The following TACC2 variants were observed in gnomAD, a reference collection of about 807,000 sequenced individuals.
TACC2 encodes the protein transforming acidic coiled-coil-containing protein 2.
TACC2 carries 137 observed loss-of-function variants against 227.3 expected under a neutral mutation model. That is an observed-to-expected ratio of 0.60 (90% CI 0.52 to 0.69). The LOEUF is 0.69. Ranked by LOEUF, TACC2 falls within the 30% of genes least tolerant of loss-of-function variation. The probability of loss-of-function intolerance (pLI) is 0.00; values close to 1 mark genes in which losing one functional copy is unlikely to be tolerated. For missense variants in TACC2, 3,470 were observed against 3,694.4 expected, an observed-to-expected ratio of 0.94 and a Z score of 1.57; for synonymous variants, 1,523 against 1,487.5, an observed-to-expected ratio of 1.02 and a Z score of -0.55.
Position 122,084,204 on chromosome 10 carries a change from A to G in TACC2, c.1704A>G (p.Gly568=), listed in dbSNP as rs767192455. 2 of 1,614,104 alleles carry G rather than the reference A, an allele frequency of 1.2e-6. No homozygotes were observed. The highest frequency in any genetic ancestry group is 1.7e-6 in the Non-Finnish European group (2 of 1,180,034). The change falls in exon 4 of 23, where the codon GGA becomes GGG. Residue 568 remains glycine (G), a synonymous_variant. Coordinates refer to ENST00000369005, the MANE Select transcript of TACC2 (RefSeq NM_206862.4). ...CAAGCCCAGCCGTGGCTAAAGAAGG[A>G]AGCAGATCACCTGGTGACAGCCCTG... ...DSTSPAVAKE[G]SRSPGDSPGG...
chr10:122,222,771 G>C (rs578065556), intron 11 of TACC2, among the ~76,000 whole-genome samples: 1 of 152,314 alleles, frequency 6.6e-6, no homozygotes, highest in East Asian at 1.9e-4. Flanking sequence ...GCGGTGGTCT[G>C]TTGCTCGTTT....
chr10:122,015,763 A>C (rs746364325), intron 1 of TACC2, among the ~76,000 whole-genome samples: 1 of 132,506 alleles, frequency 7.5e-6, no homozygotes, highest in Non-Finnish European at 1.7e-5. Flanking sequence ...GAGGCAGGAG[A>C]ATCACTTGAA....
At chr10:122,149,076 G>A (rs2091749230) in intron 7 of TACC2, among the ~76,000 whole-genome samples, 1 of 152,244 alleles carries the variant, frequency 6.6e-6, no homozygotes, top group South Asian at 2.1e-4. Flanking sequence ...CAGGCGAGGG[G>A]TCTGATAATA....
intron 7 of TACC2, among the ~76,000 whole-genome samples, chr10:122,168,749 C>T (rs1463484493): frequency 6.6e-6 from 1 of 152,184 alleles, no homozygotes; most frequent in Non-Finnish European, 1.5e-5. Flanking sequence ...GCTCTTCCAT[C>T]GACCCTCCCA....
intron 2 of TACC2, among the ~76,000 whole-genome samples, chr10:122,036,665 TA>T (rs1001186132): frequency 6.6e-6 from 1 of 152,126 alleles, no homozygotes; most frequent in African/African-American, 2.4e-5. Context: ...CACACCCGGC[TA>T]ATTTTTGTAT....
At chr10:122,229,138 G>T in intron 14 of TACC2, among the ~76,000 whole-genome samples, 1 of 152,042 alleles carries the variant, frequency 6.6e-6, no homozygotes, top group East Asian at 1.9e-4. Flanking sequence ...TTGGGGAGGG[G>T]GTCGGGTCTG....
At chr10:122,067,316 T>G (rs1048538970) in intron 3 of TACC2, among the ~76,000 whole-genome samples, 6 of 152,198 alleles carry the variant, frequency 3.9e-5, no homozygotes, top group African/African-American at 1.4e-4. Flanking sequence ...CAAAGATTTC[T>G]AGGTAGGCAG....
At position 122,086,440 on chromosome 10, in the gene TACC2, C is replaced by T. The variant is rs746220751; in HGVS notation, c.3940C>T (p.Pro1314Ser). The part of the protein sequence containing the change: ...IPAVQASSGS[P>S]KARTTEGPVD... The stretch of plus-strand genomic sequence containing the variant: ...TGCAGTGCAAGCCAGCAGTGGTAGT[C>T]CCAAAGCCAGAACCACTGAGGGACC... Residue 1314 changes from proline to serine, a missense_variant, in exon 4 of 23, where the codon CCC becomes TCC. By Grantham distance (74) the Pro-to-Ser change is moderately conservative. This residue lies in a region of TACC2 where 1,924 missense variants were observed against 1,978.3 expected (regional missense o/e 0.97). Coordinates refer to ENST00000369005, the MANE Select transcript of TACC2 (RefSeq NM_206862.4). 6.8e-6 allele frequency: 11 copies of T among 1,613,778 alleles called. No individual in the cohort carries two copies. Among genetic ancestry groups the T allele is most frequent in the Non-Finnish European group, 8.5e-6 (10 of 1,179,976 alleles).
chr10:122,164,100 T>A, intron 7 of TACC2: 1 of 1,330,836 alleles, frequency 7.5e-7, no homozygotes. Context: ...GAGCCCAGGC[T>A]GGCCTGGGGT....
chr10:122,216,380 A>AT (rs60334067), intron 10 of TACC2, among the ~76,000 whole-genome samples: 52,334 of 148,450 alleles, frequency 0.35, 9,570 homozygotes, highest in East Asian at 0.74. Flanking sequence ...CAAAATCCTG[A>AT]TTTTTTTTTT....
At chr10:122,217,437 C>CTTTTTTTTT (rs35233150) in intron 11 of TACC2, among the ~76,000 whole-genome samples, 18 of 93,252 alleles carry the variant, frequency 1.9e-4, no homozygotes, top group South Asian at 4.8e-4. Flanking sequence ...TTTCTTTTTT[C>CTTTTTTTTT]TTTTTTTTTT....
intron 1 of TACC2, among the ~76,000 whole-genome samples, chr10:122,012,418 C>CA (rs752342348): frequency 0.023 from 1,377 of 60,632 alleles, 88 homozygotes; most frequent in African/African-American, 0.088. Flanking sequence ...GACTCCGTCT[C>CA]AAAAAAAAAA....
At position 122,084,994 on chromosome 10, in the gene TACC2, C is replaced by G; in HGVS notation, c.2494C>G (p.Pro832Ala). 1.2e-6 allele frequency: 2 copies of G among 1,614,138 alleles called. No individual in the cohort carries two copies. Among genetic ancestry groups the G allele is most frequent in the Non-Finnish European group, 1.7e-6 (2 of 1,180,000 alleles). The change falls in exon 4 of 23, where the codon CCA becomes GCA. Residue 832 changes from proline (P) to alanine (A), a missense_variant. Pro to Ala is a conservative substitution (Grantham distance 27). This residue lies in a region of TACC2 where 1,924 missense variants were observed against 1,978.3 expected (regional missense o/e 0.97). Coordinates refer to ENST00000369005, the MANE Select transcript of TACC2 (RefSeq NM_206862.4). ...ACTATCTTCTGAGAAGCATCTCCAGCCATCCCAGGCACAACCAGAGACATC... is the reference window on the plus strand; with the variant it reads ...ACTATCTTCTGAGAAGCATCTCCAGGCATCCCAGGCACAACCAGAGACATC... ...PLLSSEKHLQ[P>A]SQAQPETSIF...
chr10:122,051,356 C>G (rs2075662525), intron 3 of TACC2: 1 of 152,314 alleles, frequency 6.6e-6, no homozygotes, highest in South Asian at 2.1e-4. Flanking sequence ...TGGCTGGTCA[C>G]TGGCTCTTGT....
Position 122,084,592 on chromosome 10 carries a change from C to A in TACC2, c.2092C>A (p.Pro698Thr). 1 of 1,613,824 alleles carries A rather than the reference C, an allele frequency of 6.2e-7. No homozygotes were observed. The highest frequency in any genetic ancestry group is 2.2e-5 in the East Asian group (1 of 44,878). The change falls in exon 4 of 23, where the codon CCT becomes ACT. Residue 698 changes from proline to threonine, a missense_variant. This residue lies in a region of TACC2 where 1,924 missense variants were observed against 1,978.3 expected (regional missense o/e 0.97). Transcript: ENST00000369005. ...GGGGTCAGGATTGCAGCCCAAATGT[C>A]CTGACACCCTTCAGAGCAGGGAAGG... is the stretch of plus-strand genomic sequence containing the variant. ...WEGSGLQPKC[P>T]DTLQSREGLG...
chr10:122,125,178 C>G (rs1045722828), intron 5 of TACC2, among the ~76,000 whole-genome samples: 3 of 152,124 alleles, frequency 2.0e-5, no homozygotes, highest in African/African-American at 7.2e-5. Flanking sequence ...ATTCCTCAGT[C>G]TCTCCCTGTC....
rs533537939 is a variant in TACC2, at chr10:122,014,124, T to C, written c.-45-7813T>C. On this transcript the variant is annotated intron_variant, in intron 1 of 22. Coordinates refer to ENST00000369005, the MANE Select transcript of TACC2 (RefSeq NM_206862.4). ...CATATCAACAAATCCCAATAGATCA[T>C]TACTAGGCTGTACTAACAGAGAAGT... Among the ~76,000 whole-genome samples, 15 of 152,296 alleles carry C rather than the reference T, an allele frequency of 9.8e-5. 1 individual carries two copies. The South Asian group carries it at 2.9e-3, about 29-fold the overall frequency.
intron 5 of TACC2, among the ~76,000 whole-genome samples, chr10:122,127,493 C>T (rs1321811747): frequency 6.6e-6 from 1 of 152,234 alleles, no homozygotes; most frequent in African/African-American, 2.4e-5. Flanking sequence ...ACAGGCTTCC[C>T]TCCCTGACAT....
intron 2 of TACC2, among the ~76,000 whole-genome samples, chr10:122,026,506 T>C (rs1958042314): frequency 6.6e-6 from 1 of 152,048 alleles, no homozygotes; most frequent in Admixed American, 6.6e-5. Flanking sequence ...CATGATTCAT[T>C]TTGAATTAAT....
Sources: allele counts gnomAD v4.1 joint callset (sites outside exome capture counted in the v4.1 genomes callset), GRCh38; gene constraint gnomAD v4.1.1; regional missense constraint gnomAD v4.1.1; transcripts MANE v1.5; gene names NCBI Gene and HGNC (gene_info 2026-07-23, HGNC 2026-07-21).